COL11A1: variants seen among roughly 807,000 people sequenced by gnomAD.
COL11A1 encodes the protein collagen type XI alpha 1 chain, also known as collagen alpha-1(XI) chain.
A neutral mutation model predicts 265.2 loss-of-function variants in COL11A1; 74 were observed. The observed-to-expected ratio is 0.28, with a 90% CI of 0.23 to 0.34. COL11A1 has a LOEUF of 0.34. COL11A1 is among the 10% of genes least tolerant of loss of function. COL11A1 has a pLI of 1.00. For synonymous variants in COL11A1, 816 were observed against 727.6 expected (o/e 1.12, Z -1.96); for missense variants, 2,165 against 2,263.6 (o/e 0.96, Z 0.88).
intron 49 of COL11A1, among the ~76,000 whole-genome samples, chr1:102,916,609 T>C (rs1431213828): frequency 1.3e-5 from 2 of 152,062 alleles, no homozygotes; most frequent in Non-Finnish European, 2.9e-5. Context: ...AAATGTGTCA[T>C]ATTACATACA....
intron 31 of COL11A1, among the ~76,000 whole-genome samples, chr1:102,980,433 T>C (rs1215849164): frequency 5.9e-5 from 9 of 152,098 alleles, no homozygotes; most frequent in Non-Finnish European, 2.9e-5. Context: ...TATCATAAAA[T>C]AGAGAAGATT....
At chr1:103,103,542 T>G (rs555020808) in intron 1 of COL11A1, among the ~76,000 whole-genome samples, 9 of 152,050 alleles carry the variant, frequency 5.9e-5, no homozygotes, top group Admixed American at 1.3e-4. Context: ...TTTAAAAAAT[T>G]CATTCTGTAA....
chr1:102,983,430 C>T (rs983058930), intron 31 of COL11A1, among the ~76,000 whole-genome samples: 5 of 151,776 alleles, frequency 3.3e-5, no homozygotes, highest in African/African-American at 4.8e-5. Context: ...CTAGGTGGTC[C>T]CTAAATCCAA....
rs1003938789 is a variant in COL11A1, at chr1:102,965,468, A to C, written c.2916+19T>G. ...ACAAAAAATAAATCTTGCTTGGGAA[A>C]TAAAGCAAAGGAACATACCTGTGGT... is the stretch of plus-strand genomic sequence containing the variant. On this transcript the variant is annotated intron_variant, in intron 38 of 66. Coordinates refer to ENST00000370096, the MANE Select transcript of COL11A1 (RefSeq NM_001854.4). 6 of 1,610,550 alleles carry C rather than the reference A, an allele frequency of 3.7e-6. No homozygotes were observed. In the African/African-American group the frequency reaches 6.7e-5, roughly 18 times the overall value.
At chr1:103,045,137 C>A (rs1475839512) in intron 4 of COL11A1, among the ~76,000 whole-genome samples, 1 of 152,036 alleles carries the variant, frequency 6.6e-6, no homozygotes, top group Non-Finnish European at 1.5e-5. Context: ...AACCAACAAT[C>A]CACAGGTAGC....
chr1:103,086,341 T>C (rs1226622514), intron 1 of COL11A1, among the ~76,000 whole-genome samples: 6 of 152,088 alleles, frequency 3.9e-5, no homozygotes, highest in African/African-American at 1.4e-4. Flanking sequence ...GCATCCCCAC[T>C]GTCATAATCA....
chr1:102,894,852 T>G (rs1459402893), intron 57 of COL11A1, among the ~76,000 whole-genome samples: 6 of 152,102 alleles, frequency 3.9e-5, no homozygotes, highest in Non-Finnish European at 8.8e-5. Flanking sequence ...CTTGGCTTAC[T>G]GAAACCTCCG....
intron 4 of COL11A1, among the ~76,000 whole-genome samples, chr1:103,032,259 C>T (rs1342562322): frequency 6.6e-6 from 1 of 151,998 alleles, no homozygotes; most frequent in Non-Finnish European, 1.5e-5. Flanking sequence ...GCTTTCTTTG[C>T]ATCTTATCAA....
chr1:103,060,621 C>A lies in COL11A1; in HGVS notation c.651+13997G>T, dbSNP rs1455253787. Among the ~76,000 whole-genome samples, 13 of 152,150 alleles carry A rather than the reference C, an allele frequency of 8.5e-5. No homozygotes were observed. In the South Asian group the frequency reaches 2.5e-3, roughly 29 times the overall value. On this transcript the variant is annotated intron_variant, in intron 4 of 66. Transcript: ENST00000370096. ...ATACTTGCTTGCATTACTCATAAATCAGTATAGTGTTATTTAAAAGTTGAC... is the reference window on the plus strand; with the variant it reads ...ATACTTGCTTGCATTACTCATAAATAAGTATAGTGTTATTTAAAAGTTGAC...
chr1:102,953,727 T>C (rs1003396324), intron 41 of COL11A1, among the ~76,000 whole-genome samples: 2 of 152,248 alleles, frequency 1.3e-5, no homozygotes, highest in Non-Finnish European at 2.9e-5. Context: ...ATTTAATACA[T>C]TAATAAATGA....
intron 18 of COL11A1, 120 bp from the exon 19 acceptor site, chr1:103,004,781 T>C: frequency 1.2e-6 from 1 of 806,818 alleles, no homozygotes; most frequent in East Asian, 2.7e-5. Context: ...ATATGCTTTA[T>C]TTACCCTCCT....
chr1:102,982,253 A>G (rs1001057335), intron 31 of COL11A1, among the ~76,000 whole-genome samples: 4 of 152,054 alleles, frequency 2.6e-5, no homozygotes, highest in African/African-American at 9.6e-5. Flanking sequence ...CATTTTGTTA[A>G]TAAAAACAAT....
intron 42 of COL11A1, among the ~76,000 whole-genome samples, chr1:102,941,655 A>G (rs148583905): frequency 1.3e-5 from 2 of 152,198 alleles, no homozygotes; most frequent in East Asian, 3.9e-4. Context: ...AACTCTTTGC[A>G]TAGTTAATTC....
chr1:102,967,331 C>A (rs999772565), intron 37 of COL11A1, among the ~76,000 whole-genome samples: 5 of 145,464 alleles, frequency 3.4e-5, no homozygotes, highest in South Asian at 4.3e-4. Flanking sequence ...AGCTCCGCCT[C>A]CCAGGTTCAC....
intron 35 of COL11A1, among the ~76,000 whole-genome samples, chr1:102,978,445 T>C (rs1662712614): frequency 2.0e-5 from 3 of 152,184 alleles, no homozygotes; most frequent in Admixed American, 2.0e-4. Context: ...AAAATATCTA[T>C]TTTTGTCTTG....
chr1:102,951,420 G>A (rs974596572), intron 41 of COL11A1, among the ~76,000 whole-genome samples: 4 of 152,218 alleles, frequency 2.6e-5, no homozygotes, highest in Admixed American at 6.5e-5. Flanking sequence ...GCGTCACGCC[G>A]GGAGTGGTGG....
intron 1 of COL11A1, among the ~76,000 whole-genome samples, chr1:103,085,595 C>T (rs1366315204): frequency 1.3e-5 from 2 of 151,982 alleles, no homozygotes; most frequent in African/African-American, 4.8e-5. Flanking sequence ...TGAGGACCTG[C>T]TTGACTTATA....
rs150085141 is a variant in COL11A1, at chr1:102,940,530, A to C, written c.3277-96T>G. On this transcript the variant is annotated intron_variant, in intron 42 of 66. Coordinates refer to ENST00000370096, the MANE Select transcript of COL11A1 (RefSeq NM_001854.4). ...TCTATATTTGACAAGGATATTGTTT[A>C]ATGTTTTTTAGAAAAACATTTTAAA... 1.0e-5 allele frequency: 9 copies of C among 898,366 alleles called. No homozygotes were observed. The African/African-American group carries it at 1.4e-4, about 13-fold the overall frequency. The allele number at this position is 898,366 out of a possible 1,614,324, so 55.6% of individuals were successfully genotyped here. A position where few individuals can be genotyped will look rare whatever the true frequency, so the allele number is the denominator to read the frequency against.
chr1:103,057,850 C>G (rs1670363391), intron 4 of COL11A1, among the ~76,000 whole-genome samples: 1 of 152,088 alleles, frequency 6.6e-6, no homozygotes, highest in Non-Finnish European at 1.5e-5. Context: ...TTATAGAGTA[C>G]AGCAGGATTG....
Sources: gnomAD v4.1 joint callset for allele counts (sites outside exome capture counted in the v4.1 genomes callset) on GRCh38, gnomAD v4.1.1 for gene constraint, MANE v1.5 for transcripts, NCBI Gene and HGNC (gene_info 2026-07-23, HGNC 2026-07-21) for gene names.